Variants in PKNOX2 observed in about 807,000 individuals in gnomAD.
PKNOX2 encodes homeobox protein PKNOX2.
In PKNOX2, 14 loss-of-function variants were observed where a neutral mutation model predicts 53.1. That is an observed-to-expected ratio of 0.26 (90% CI 0.17 to 0.41). The LOEUF is 0.41. Ranked by LOEUF, PKNOX2 falls within the 10% of genes least tolerant of loss-of-function variation. The pLI is 1.00. For synonymous variants in PKNOX2, 257 were observed against 242.8 expected, an observed-to-expected ratio of 1.06 and a Z score of -0.54; for missense variants, 496 against 602.8, an observed-to-expected ratio of 0.82 and a Z score of 1.85.
Position 125,203,323 on chromosome 11 carries a change from G to A in PKNOX2, c.-200-31722G>A, listed in dbSNP as rs532594407. 2.0e-5 allele frequency among the ~76,000 whole-genome samples: 3 copies of A among 152,308 alleles called. No individual in the cohort carries two copies. In the South Asian group the frequency reaches 6.2e-4, roughly 32 times the overall value. On this transcript the variant is annotated intron_variant, in intron 1 of 12. Transcript: ENST00000298282. Reference sequence around the variant, plus strand: ...AGGTCTCGCTATGTTGGCCAGGCTGGTCTTGAACTCCCGGGCTCAAGCGAT... The same window carrying A: ...AGGTCTCGCTATGTTGGCCAGGCTGATCTTGAACTCCCGGGCTCAAGCGAT...
chr11:125,344,232 C>T (rs1177830967), intron 3 of PKNOX2, among the ~76,000 whole-genome samples: 2 of 152,120 alleles, frequency 1.3e-5, no homozygotes, highest in African/African-American at 2.4e-5. Flanking sequence ...TCTGTTGGCC[C>T]GACCACAGTG....
chr11:125,381,232 G>A (rs1953206847), intron 5 of PKNOX2, among the ~76,000 whole-genome samples: 1 of 152,148 alleles, frequency 6.6e-6, no homozygotes, highest in Non-Finnish European at 1.5e-5. Context: ...TGCTGTCTGA[G>A]CTCTGAGAGA....
At chr11:125,173,266 T>C (rs1955455403) in intron 1 of PKNOX2, among the ~76,000 whole-genome samples, 1 of 152,358 alleles carries the variant, frequency 6.6e-6, no homozygotes, top group East Asian at 1.9e-4. Context: ...TGCCCTTGTG[T>C]GATCCTCTTA....
intron 10 of PKNOX2, among the ~76,000 whole-genome samples, chr11:125,424,842 C>A (rs548748989): frequency 1.3e-5 from 2 of 152,298 alleles, no homozygotes; most frequent in South Asian, 4.1e-4. Context: ...TCTGAACCAG[C>A]CCCTGGGCAG....
intron 5 of PKNOX2, among the ~76,000 whole-genome samples, chr11:125,369,096 G>A (rs1428514538): frequency 6.6e-6 from 1 of 152,230 alleles, no homozygotes; most frequent in Non-Finnish European, 1.5e-5. Flanking sequence ...TTATGGTAAT[G>A]GTGGTAATTA....
rs952921327 is a variant in PKNOX2, at chr11:125,315,662, C to T, written c.-129-16157C>T. Reference sequence around the variant, plus strand: ...GTGTGTCTCTCACCAGATCTGAGGGCGTAGTGACCCGCTCCATGCTTCAGA... The same window carrying T: ...GTGTGTCTCTCACCAGATCTGAGGGTGTAGTGACCCGCTCCATGCTTCAGA... On this transcript the variant is annotated intron_variant, in intron 2 of 12. Coordinates refer to ENST00000298282, the MANE Select transcript of PKNOX2 (RefSeq NM_001382323.2). Among the ~76,000 whole-genome samples the T allele has an allele frequency of 4.6e-5, 7 of 152,308 alleles. No homozygotes were observed. In the East Asian group the frequency reaches 9.6e-4, roughly 21 times the overall value.
At chr11:125,245,553 A>G (rs933518101) in intron 2 of PKNOX2, among the ~76,000 whole-genome samples, 2 of 152,118 alleles carry the variant, frequency 1.3e-5, no homozygotes, top group African/African-American at 4.8e-5. Flanking sequence ...GCCTCCCCCA[A>G]ATCCTCTGAC....
chr11:125,281,833 C>T (rs112972743), intron 2 of PKNOX2, among the ~76,000 whole-genome samples: 4 of 152,164 alleles, frequency 2.6e-5, no homozygotes, highest in Non-Finnish European at 5.9e-5. Context: ...GCAAATCTAC[C>T]GTTATCCAGG....
At chr11:125,195,646 A>G (rs1461978221) in intron 1 of PKNOX2, among the ~76,000 whole-genome samples, 1 of 152,124 alleles carries the variant, frequency 6.6e-6, no homozygotes, top group African/African-American at 2.4e-5. Flanking sequence ...GAGCTGACAC[A>G]CTACTCATGA....
intron 6 of PKNOX2, among the ~76,000 whole-genome samples, chr11:125,396,219 G>T (rs1255642138): frequency 6.6e-6 from 1 of 152,154 alleles, no homozygotes; most frequent in African/African-American, 2.4e-5. Context: ...GTCCCAAAGT[G>T]CTGGGATTAC....
intron 5 of PKNOX2, among the ~76,000 whole-genome samples, chr11:125,383,291 G>A (rs1459387545): frequency 6.6e-6 from 1 of 151,994 alleles, no homozygotes; most frequent in Non-Finnish European, 1.5e-5. Context: ...TGCTGGAGGG[G>A]AGACCATTGC....
At chr11:125,420,249 C>T (rs1195257308) in intron 10 of PKNOX2, among the ~76,000 whole-genome samples, 2 of 148,590 alleles carry the variant, frequency 1.3e-5, no homozygotes, top group South Asian at 2.1e-4. Flanking sequence ...AAATGGGGGC[C>T]GGGCACGGTG....
chr11:125,274,308 T>C (rs950033045), intron 2 of PKNOX2, among the ~76,000 whole-genome samples: 1 of 151,980 alleles, frequency 6.6e-6, no homozygotes, highest in Non-Finnish European at 1.5e-5. Flanking sequence ...AACCTTATGG[T>C]CTCGGGAAAG....
chr11:125,331,909 C>T lies in PKNOX2; in HGVS notation c.-39C>T, dbSNP rs1328299750. 1 of 152,114 alleles carries T rather than the reference C, an allele frequency of 6.6e-6. No homozygotes were observed. The highest frequency in any genetic ancestry group is 1.9e-4 in the East Asian group (1 of 5,192). The allele number at this position is 152,114 out of a possible 1,614,324, so 9.4% of individuals were successfully genotyped here. ...TCTCCTGAGGACCATCTCAGAGGCC[C>T]CGGGATCACCCGAACAGTAAGAAAT... On this transcript the variant is annotated 5_prime_UTR_variant, in exon 3 of 13. Transcript: ENST00000298282.
chr11:125,246,292 G>A (rs1301265862), intron 2 of PKNOX2, among the ~76,000 whole-genome samples: 2 of 152,226 alleles, frequency 1.3e-5, no homozygotes, highest in Non-Finnish European at 2.9e-5. Context: ...GAGGGCCAGA[G>A]AGAGACAGCA....
Position 125,369,579 on chromosome 11 carries a change from C to T in PKNOX2, c.227+1594C>T, listed in dbSNP as rs148107046. On this transcript the variant is annotated intron_variant, in intron 5 of 12. Transcript: ENST00000298282. ...ACGTACAAACAAGAAACCAGAGCTA[C>T]GTGGTCAGAGCAACAGGGAAGGCTT... Among the ~76,000 whole-genome samples, 61 of 152,308 alleles carry T rather than the reference C, an allele frequency of 4.0e-4. No individual in the cohort carries two copies. The East Asian group carries it at 0.01, about 26-fold the overall frequency.
intron 5 of PKNOX2, among the ~76,000 whole-genome samples, chr11:125,382,896 A>T (rs963472476): frequency 6.6e-6 from 1 of 152,170 alleles, no homozygotes; most frequent in African/African-American, 2.4e-5. Flanking sequence ...ATCTCCTGGC[A>T]GTTTGGGGCA....
At chr11:125,408,203 A>G (rs939927362) in intron 7 of PKNOX2, among the ~76,000 whole-genome samples, 3 of 152,146 alleles carry the variant, frequency 2.0e-5, no homozygotes, top group African/African-American at 7.2e-5. Flanking sequence ...TCAGTGCCTT[A>G]TTTGTACTTC....
At chr11:125,173,964 T>C (rs1184753303) in intron 1 of PKNOX2, among the ~76,000 whole-genome samples, 1 of 151,760 alleles carries the variant, frequency 6.6e-6, no homozygotes, top group Non-Finnish European at 1.5e-5. Flanking sequence ...TGTGCTGGAG[T>C]AGTGGCAAGT....
Sources: allele counts gnomAD v4.1 joint callset (sites outside exome capture counted in the v4.1 genomes callset), GRCh38; gene constraint gnomAD v4.1.1; transcripts MANE v1.5; gene names NCBI Gene and HGNC (gene_info 2026-07-23, HGNC 2026-07-21).